SAMD3: variants seen among roughly 807,000 people sequenced by gnomAD.
SAMD3 encodes sterile alpha motif domain containing 3.
SAMD3 carries 63 observed loss-of-function variants against 58.5 expected under a neutral mutation model. The observed-to-expected ratio is 1.08, with a 90% CI of 0.88 to 1.33. SAMD3 has a LOEUF of 1.33. Among genes scored for constraint, SAMD3 ranks in the 40% most tolerant of loss-of-function variants. SAMD3 has a pLI of 0.00. For synonymous variants in SAMD3, 220 were observed against 210.3 expected (o/e 1.05, Z -0.40); for missense variants, 604 against 608.4 (o/e 0.99, Z 0.08).
Position 130,160,739 on chromosome 6 carries a change from A to G in SAMD3, c.823-5714T>C, listed in dbSNP as rs187317330. The G allele has an allele frequency of 2.5e-4, 38 of 152,334 alleles. No homozygotes were observed. The East Asian group carries it at 6.2e-3, about 25-fold the overall frequency. The allele number at this position is 152,334 out of a possible 1,614,324, so 9.4% of individuals were successfully genotyped here. A position where few individuals can be genotyped will look rare whatever the true frequency, so the allele number is the denominator to read the frequency against. Reference sequence around the variant, plus strand: ...TTTCTTTTAAATTATCTAGATTTAGATATATAGAAAGGGAGAAAATTATAG... The same window carrying G: ...TTTCTTTTAAATTATCTAGATTTAGGTATATAGAAAGGGAGAAAATTATAG... On this transcript the variant is annotated intron_variant, in intron 8 of 11. Coordinates refer to ENST00000439090, the MANE Select transcript of SAMD3 (RefSeq NM_001017373.4).
At chr6:130,329,762 G>T (rs955863884) in intron 1 of SAMD3, among the ~76,000 whole-genome samples, 1 of 152,154 alleles carries the variant, frequency 6.6e-6, no homozygotes, top group African/African-American at 2.4e-5. Context: ...CATGTCCTTT[G>T]CAGGGACATG....
intron 2 of SAMD3, among the ~76,000 whole-genome samples, chr6:130,269,502 A>G (rs938102718): frequency 6.6e-6 from 1 of 151,970 alleles, no homozygotes; most frequent in African/African-American, 2.4e-5. Context: ...TACGAACATA[A>G]AGTTGTTTGT....
chr6:130,176,631 T>C (rs1034976111), intron 7 of SAMD3, among the ~76,000 whole-genome samples: 2 of 152,180 alleles, frequency 1.3e-5, no homozygotes, highest in African/African-American at 4.8e-5. Context: ...TAGGGGAAGA[T>C]ACATCATTCA....
At chr6:130,157,155 T>C (rs1013286433) in intron 8 of SAMD3, among the ~76,000 whole-genome samples, 2 of 151,700 alleles carry the variant, frequency 1.3e-5, no homozygotes, top group Non-Finnish European at 2.9e-5. Context: ...ACTTGGATTA[T>C]CTAAACATGT....
chr6:130,358,511 G>A (rs1450788747), intron 1 of SAMD3, among the ~76,000 whole-genome samples: 1 of 152,146 alleles, frequency 6.6e-6, no homozygotes, highest in African/African-American at 2.4e-5. Context: ...CCATCTGACT[G>A]CTGTGTCCAC....
chr6:130,148,900 C>T (rs928534752), intron 9 of SAMD3, among the ~76,000 whole-genome samples: 1 of 152,004 alleles, frequency 6.6e-6, no homozygotes, highest in Non-Finnish European at 1.5e-5. Context: ...AGATTTCAGC[C>T]CTGGTGTGCA....
intron 2 of SAMD3, among the ~76,000 whole-genome samples, chr6:130,275,852 T>G (rs1029396680): frequency 2.6e-5 from 4 of 152,162 alleles, no homozygotes; most frequent in Admixed American, 1.3e-4. Context: ...CCTCTAACTC[T>G]TTGATTATGA....
At chr6:130,258,586 A>G (rs954099913) in intron 2 of SAMD3, among the ~76,000 whole-genome samples, 24 of 152,198 alleles carry the variant, frequency 1.6e-4, no homozygotes, top group African/African-American at 5.1e-4. Flanking sequence ...TATCACAACA[A>G]TCAAGATAAT....
intron 5 of SAMD3, among the ~76,000 whole-genome samples, chr6:130,200,974 C>T (rs1394951195): frequency 1.3e-5 from 2 of 152,090 alleles, no homozygotes; most frequent in Admixed American, 1.3e-4. Context: ...TGGTTGATAG[C>T]ATCACTAGTT....
rs145913093 is a variant in SAMD3, at chr6:130,248,661, A to T, written c.-187-25848T>A. ...AGAAAAAAGCAAGGAAGACGCTCCA[A>T]GCATGGCAGTATCTGGCACTGGGGG... On this transcript the variant is annotated intron_variant, in intron 2 of 13. Coordinates refer to the SAMD3 transcript ENST00000368134. Among the ~76,000 whole-genome samples, 103 of 152,312 alleles carry T rather than the reference A, an allele frequency of 6.8e-4. 1 individual carries two copies. In the East Asian group the frequency reaches 0.015, roughly 23 times the overall value.
intron 2 of SAMD3, among the ~76,000 whole-genome samples, chr6:130,263,127 T>C (rs1471871788): frequency 6.6e-6 from 1 of 152,158 alleles, no homozygotes; most frequent in Non-Finnish European, 1.5e-5. Flanking sequence ...GGAAGCATTG[T>C]TAAATGTAAA....
chr6:130,238,103 A>G (rs1046873527), intron 2 of SAMD3, among the ~76,000 whole-genome samples: 4 of 152,202 alleles, frequency 2.6e-5, no homozygotes, highest in African/African-American at 9.6e-5. Context: ...AGTTTGTTTT[A>G]TAGTTCAAAG....
At chr6:130,315,130 G>T (rs1471598112) in intron 1 of SAMD3, among the ~76,000 whole-genome samples, 26 of 146,918 alleles carry the variant, frequency 1.8e-4, no homozygotes, top group African/African-American at 6.2e-4. Context: ...CAATATTTTT[G>T]GCTTATATTG....
intron 2 of SAMD3, among the ~76,000 whole-genome samples, chr6:130,257,723 C>T (rs1476429326): frequency 6.6e-6 from 1 of 152,060 alleles, no homozygotes; most frequent in Non-Finnish European, 1.5e-5. Context: ...GCAAAATGTA[C>T]AAATTTTAAG....
At chr6:130,151,600 C>T (rs149156465) in intron 9 of SAMD3, among the ~76,000 whole-genome samples, 11 of 152,224 alleles carry the variant, frequency 7.2e-5, no homozygotes, top group Admixed American at 2.6e-4. Context: ...TGCCACCACG[C>T]CCGGCTAATT....
chr6:130,295,595 T>C (rs1427736707), intron 2 of SAMD3, among the ~76,000 whole-genome samples: 1 of 152,204 alleles, frequency 6.6e-6, no homozygotes, highest in African/African-American at 2.4e-5. Flanking sequence ...TCCTCATCTC[T>C]CATTGGTTTA....
At chr6:130,208,177 T>G (rs1226060127) in intron 5 of SAMD3, among the ~76,000 whole-genome samples, 1 of 152,274 alleles carries the variant, frequency 6.6e-6, no homozygotes, top group Non-Finnish European at 1.5e-5. Flanking sequence ...AAAGGGGTTG[T>G]GAAAACTGAA....
At chr6:130,197,163 A>G (rs1401539835) in intron 5 of SAMD3, among the ~76,000 whole-genome samples, 2 of 152,244 alleles carry the variant, frequency 1.3e-5, no homozygotes, top group Non-Finnish European at 2.9e-5. Flanking sequence ...TACAAGGTAC[A>G]GCCCATTTGA....
chr6:130,171,513 T>C (rs1404923244), intron 8 of SAMD3, among the ~76,000 whole-genome samples: 1 of 152,212 alleles, frequency 6.6e-6, no homozygotes, highest in East Asian at 1.9e-4. Context: ...TCCATGTAGT[T>C]GTGCAGTTTT....
Sources: gnomAD v4.1 joint callset for allele counts (sites outside exome capture counted in the v4.1 genomes callset) on GRCh38, gnomAD v4.1.1 for gene constraint, MANE v1.5 for transcripts, NCBI Gene and HGNC (gene_info 2026-07-23, HGNC 2026-07-21) for gene names.